Variants in SH3RF3 observed in about 807,000 individuals in gnomAD.
SH3RF3 encodes SH3 domain containing ring finger 3.
In SH3RF3, 29 loss-of-function variants were observed where a neutral mutation model predicts 66.3. That is an observed-to-expected ratio of 0.44 (90% CI 0.33 to 0.60). The LOEUF (loss-of-function observed/expected upper bound fraction) is 0.60. SH3RF3 is among the 20% of genes least tolerant of loss of function. The pLI is 0.04. For synonymous variants in SH3RF3, 583 were observed against 532.0 expected (o/e 1.10, Z -1.32); for missense variants, 1,194 against 1,190.9 (o/e 1.00, Z -0.04).
At chr2:109,477,330 C>G (rs933506740) in intron 8 of SH3RF3, among the ~76,000 whole-genome samples, 3 of 152,166 alleles carry the variant, frequency 2.0e-5, no homozygotes, top group African/African-American at 7.2e-5. Flanking sequence ...GCTCCCTGCC[C>G]TCCATGAAAA....
chr2:109,301,947 C>G (rs1681478570), intron 1 of SH3RF3, among the ~76,000 whole-genome samples: 1 of 152,226 alleles, frequency 6.6e-6, no homozygotes, highest in Admixed American at 6.5e-5. Context: ...CTCCTTCCCG[C>G]AGCCTCTCCT....
chr2:109,496,721 C>T (rs1164567890), intron 9 of SH3RF3, among the ~76,000 whole-genome samples: 1 of 152,128 alleles, frequency 6.6e-6, no homozygotes, highest in Non-Finnish European at 1.5e-5. Context: ...ATAATGGCCC[C>T]CAAAGATGTC....
chr2:109,326,254 G>A (rs1158145428), intron 1 of SH3RF3, among the ~76,000 whole-genome samples: 1 of 152,200 alleles, frequency 6.6e-6, no homozygotes, highest in Non-Finnish European at 1.5e-5. Context: ...GATGTACATA[G>A]ATGTCGCTCA....
intron 1 of SH3RF3, among the ~76,000 whole-genome samples, chr2:109,153,823 T>G (rs1287695819): frequency 1.3e-5 from 2 of 152,248 alleles, no homozygotes; most frequent in Non-Finnish European, 2.9e-5. Context: ...TGAGATTTCC[T>G]GCAGACCTGC....
At chr2:109,223,144 G>T (rs1679293163) in intron 1 of SH3RF3, among the ~76,000 whole-genome samples, 1 of 152,264 alleles carries the variant, frequency 6.6e-6, no homozygotes, top group African/African-American at 2.4e-5. Flanking sequence ...GGATGAGGTT[G>T]CCACCTTCTC....
chr2:109,371,798 T>G, intron 3 of SH3RF3, 117 bp downstream of exon 3: 4 of 826,088 alleles, frequency 4.8e-6, no homozygotes, highest in South Asian at 1.6e-5. Flanking sequence ...TCCTCCACAA[T>G]AGCCTCTGGC....
chr2:109,500,555 T>A (rs992181539), intron 9 of SH3RF3, among the ~76,000 whole-genome samples: 2 of 152,092 alleles, frequency 1.3e-5, no homozygotes, highest in Non-Finnish European at 2.9e-5. Flanking sequence ...AAATGAGATG[T>A]GGGGAAAGTT....
chr2:109,347,810 A>G lies in SH3RF3; in HGVS notation c.710A>G (p.His237Arg), dbSNP rs1682749639. The G allele has an allele frequency of 4.3e-6, 7 of 1,613,842 alleles. No individual in the cohort carries two copies. Among genetic ancestry groups the G allele is most frequent in the Non-Finnish European group, 5.9e-6 (7 of 1,179,878 alleles). The part of the protein sequence containing the change: ...VDEQWYHGEL[H>R]GTQGFLPASY... Reference sequence around the variant, plus strand: ...GAACAGTGGTACCACGGCGAGCTGCACGGCACACAGGGCTTCCTCCCAGCC... The same window carrying G: ...GAACAGTGGTACCACGGCGAGCTGCGCGGCACACAGGGCTTCCTCCCAGCC... Residue 237 changes from histidine to arginine, a missense_variant, in exon 2 of 10, where the codon CAC becomes CGC. By Grantham distance (29) the His-to-Arg change is conservative (BLOSUM62 0). Transcript: ENST00000309415.
At chr2:109,249,345 C>G (rs1558980995) in intron 1 of SH3RF3, among the ~76,000 whole-genome samples, 1 of 152,152 alleles carries the variant, frequency 6.6e-6, no homozygotes, top group East Asian at 1.9e-4. Context: ...TGCAAAAAAT[C>G]CCCGAGCAAG....
chr2:109,478,152 T>C (rs1050496549), intron 8 of SH3RF3, among the ~76,000 whole-genome samples: 1 of 152,220 alleles, frequency 6.6e-6, no homozygotes, highest in African/African-American at 2.4e-5. Context: ...GAGGCCGCCT[T>C]TGGGGCAGGC....
At chr2:109,322,833 G>A (rs1430099701) in intron 1 of SH3RF3, among the ~76,000 whole-genome samples, 1 of 152,158 alleles carries the variant, frequency 6.6e-6, no homozygotes, top group Non-Finnish European at 1.5e-5. Flanking sequence ...CCCACATCAG[G>A]ATATGGGCAG....
rs576253116 is a variant in SH3RF3 at position 109,329,681 on chromosome 2, T to C, written c.574-17993T>C. ...TCTAGAGGCTGCAAGAGGGCAGTGCTCAGCTTGATTTAGAGCCAAGAAGTA... is the reference window on the plus strand; with the variant it reads ...TCTAGAGGCTGCAAGAGGGCAGTGCCCAGCTTGATTTAGAGCCAAGAAGTA... On this transcript the variant is annotated intron_variant, in intron 1 of 9. Transcript: ENST00000309415. Among the ~76,000 whole-genome samples, 46 of 150,380 alleles carry C rather than the reference T, an allele frequency of 3.1e-4. 1 individual carries two copies. Among genetic ancestry groups the C allele is most frequent in the African/African-American group, 1.1e-3 (43 of 40,022 alleles).
At chr2:109,321,441 G>T (rs1682024647) in intron 1 of SH3RF3, among the ~76,000 whole-genome samples, 1 of 152,208 alleles carries the variant, frequency 6.6e-6, no homozygotes, top group South Asian at 2.1e-4. Context: ...GTTGAATTTT[G>T]ATTATCAGCT....
chr2:109,372,130 C>T (rs1574604022), intron 3 of SH3RF3, among the ~76,000 whole-genome samples: 1 of 152,244 alleles, frequency 6.6e-6, no homozygotes, highest in South Asian at 2.1e-4. Context: ...CTGCAAAGTC[C>T]TCCTTGGACT....
intron 1 of SH3RF3, among the ~76,000 whole-genome samples, chr2:109,295,655 AG>A (rs1385646915): frequency 6.6e-6 from 1 of 152,154 alleles, no homozygotes; most frequent in Non-Finnish European, 1.5e-5. Flanking sequence ...CCCACAGGAC[AG>A]GGGCCTGCTG....
At chr2:109,200,286 G>A (rs1030297711) in intron 1 of SH3RF3, among the ~76,000 whole-genome samples, 2 of 152,148 alleles carry the variant, frequency 1.3e-5, no homozygotes, top group South Asian at 2.1e-4. Flanking sequence ...CTCAGTGGGC[G>A]TCTGTTTGCT....
chr2:109,499,250 G>A (rs924760996), intron 9 of SH3RF3, among the ~76,000 whole-genome samples: 1 of 152,150 alleles, frequency 6.6e-6, no homozygotes, highest in Non-Finnish European at 1.5e-5. Context: ...ATGGGTACCC[G>A]GGCAGTCCAG....
At chr2:109,134,469 C>T (rs771629842) in intron 1 of SH3RF3, among the ~76,000 whole-genome samples, 5 of 152,222 alleles carry the variant, frequency 3.3e-5, no homozygotes, top group South Asian at 2.1e-4. Context: ...TTGCAGCCAG[C>T]GAGTGAATAA....
chr2:109,245,090 T>A lies in SH3RF3; in HGVS notation c.574-102584T>A, dbSNP rs1446439444. Among the ~76,000 whole-genome samples, 7 of 152,070 alleles carry A rather than the reference T, an allele frequency of 4.6e-5. No individual in the cohort carries two copies. In the East Asian group the frequency reaches 1.4e-3, roughly 29 times the overall value. Reference sequence around the variant, plus strand: ...CTGAGGGACCCATTGCTGAGCAGAGTGTGCCCAGTTCTCAGCAGATAGAAT... The same window carrying A: ...CTGAGGGACCCATTGCTGAGCAGAGAGTGCCCAGTTCTCAGCAGATAGAAT... On this transcript the variant is annotated intron_variant, in intron 1 of 9. Transcript: ENST00000309415.
Sources: allele counts gnomAD v4.1 joint callset (sites outside exome capture counted in the v4.1 genomes callset), GRCh38; gene constraint gnomAD v4.1.1; transcripts MANE v1.5; gene names NCBI Gene and HGNC (gene_info 2026-07-23, HGNC 2026-07-21).